The following NHSL1 variants were observed in gnomAD, a reference collection of about 807,000 sequenced individuals.
NHSL1 encodes NHS-like protein 1.
A neutral mutation model predicts 95.0 loss-of-function variants in NHSL1; 48 were observed. The ratio of observed to expected loss-of-function variants is 0.51; its 90% CI spans 0.40 to 0.64. NHSL1 has a LOEUF of 0.64. Ranked by LOEUF, NHSL1 falls within the 30% of genes least tolerant of loss-of-function variation. The pLI, the probability that NHSL1 is intolerant of heterozygous loss-of-function variation, is 0.00. For missense variants in NHSL1, 1,971 were observed against 2,077.7 expected, an observed-to-expected ratio of 0.95 and a Z score of 1.00; for synonymous variants, 783 against 833.9, an observed-to-expected ratio of 0.94 and a Z score of 1.05.
intron 1 of NHSL1, among the ~76,000 whole-genome samples, chr6:138,688,193 C>T (rs898695276): frequency 6.6e-6 from 1 of 152,068 alleles, no homozygotes; most frequent in Admixed American, 6.6e-5. Flanking sequence ...CTCAAGTGAT[C>T]GGCCCACCTT....
upstream of NHSL1, among the ~76,000 whole-genome samples, chr6:138,572,824 A>G (rs181833482): frequency 2.0e-5 from 3 of 148,104 alleles, no homozygotes; most frequent in Admixed American, 2.0e-4. Flanking sequence ...TGAAACTACA[A>G]TTTTGAGAAG....
intron 1 of NHSL1, chr6:138,650,951 T>C (rs1486445810): frequency 3.8e-6 from 2 of 532,012 alleles, no homozygotes; most frequent in East Asian, 5.3e-5. Context: ...GCTTGGCAGA[T>C]AGAGGACCTT....
At chr6:138,456,675 T>C (rs1777631842) in intron 3 of NHSL1, among the ~76,000 whole-genome samples, 3 of 152,184 alleles carry the variant, frequency 2.0e-5, no homozygotes, top group Non-Finnish European at 4.4e-5. Context: ...CTTCCGATAA[T>C]GGCAGGTGGA....
chr6:138,460,351 G>A (rs1451961373), intron 3 of NHSL1, among the ~76,000 whole-genome samples: 1 of 151,882 alleles, frequency 6.6e-6, no homozygotes, highest in Non-Finnish European at 1.5e-5. Flanking sequence ...TCTATCAAAA[G>A]ATGATATACA....
upstream of NHSL1, among the ~76,000 whole-genome samples, chr6:138,501,441 G>A (rs1461994420): frequency 6.6e-6 from 1 of 152,198 alleles, no homozygotes; most frequent in Non-Finnish European, 1.5e-5. Flanking sequence ...GGGGGTTTGA[G>A]GGTGGCCAGG....
chr6:138,617,514 T>C (rs1411667892), intron 1 of NHSL1, among the ~76,000 whole-genome samples: 1 of 152,242 alleles, frequency 6.6e-6, no homozygotes, highest in South Asian at 2.1e-4. Flanking sequence ...TCTATTAATC[T>C]ATTCCTCCCT....
upstream of NHSL1, among the ~76,000 whole-genome samples, chr6:138,500,000 C>T (rs1269402009): frequency 6.6e-6 from 1 of 152,210 alleles, no homozygotes; most frequent in Non-Finnish European, 1.5e-5. Flanking sequence ...TGTCTTCTCA[C>T]CCTTCTTTGC....
At chr6:138,621,206 G>C (rs1169431304) in intron 1 of NHSL1, among the ~76,000 whole-genome samples, 1 of 152,114 alleles carries the variant, frequency 6.6e-6, no homozygotes, top group Non-Finnish European at 1.5e-5. Context: ...TGCTACAAAT[G>C]GTATGCAAGT....
Position 138,429,852 on chromosome 6 carries a change from G to A in NHSL1, c.3953-9C>T, listed in dbSNP as rs1775512827. Reference sequence around the variant, plus strand: ...GGTCTCCGGCACCCCAGCTACAGAAGAGCAGGCAGGCATACAAGACGCACA... The same window carrying A: ...GGTCTCCGGCACCCCAGCTACAGAAAAGCAGGCAGGCATACAAGACGCACA... On this transcript the variant is annotated splice_polypyrimidine_tract_variant and intron_variant, in intron 6 of 7. Transcript: ENST00000343505. The A allele has an allele frequency of 1.9e-6, 3 of 1,549,158 alleles. No individual in the cohort carries two copies. The highest frequency in any genetic ancestry group is 2.6e-6 in the Non-Finnish European group (3 of 1,146,136).
chr6:138,669,942 C>T (rs1180620069), intron 1 of NHSL1, among the ~76,000 whole-genome samples: 2 of 151,948 alleles, frequency 1.3e-5, no homozygotes, highest in African/African-American at 4.8e-5. Flanking sequence ...CCAATATGGT[C>T]AAACCCTGTC....
intron 1 of NHSL1, among the ~76,000 whole-genome samples, chr6:138,640,002 T>C (rs538358663): frequency 7.2e-5 from 11 of 151,872 alleles, no homozygotes; most frequent in Non-Finnish European, 1.6e-4. Context: ...GCACAGACTA[T>C]AATCTCATGG....
chr6:138,599,995 C>G (rs772936640), intron 1 of NHSL1, among the ~76,000 whole-genome samples: 14 of 151,956 alleles, frequency 9.2e-5, no homozygotes, highest in Non-Finnish European at 1.8e-4. Flanking sequence ...AATACAAAAA[C>G]TAGCTGGGCA....
rs560360900 is a variant in NHSL1 at position 138,423,343 on chromosome 6, A to C, written c.*738T>G. 5.3e-5 allele frequency: 8 copies of C among 152,324 alleles called. No individual in the cohort carries two copies. The highest frequency in any genetic ancestry group is 1.9e-4 in the African/African-American group (8 of 41,564). The allele number at this position is 152,324 out of a possible 1,614,324, so 9.4% of individuals were successfully genotyped here. ...TTAAAAAATTACCCACACTTCTAAA[A>C]ATCAGGCTACAATTGTGTGTATGTG... On this transcript the variant is annotated 3_prime_UTR_variant, in exon 8 of 8. Coordinates refer to ENST00000343505, the MANE Select transcript of NHSL1 (RefSeq NM_001144060.2).
chr6:138,535,645 G>A (rs1310579864), intron 1 of NHSL1, among the ~76,000 whole-genome samples: 1 of 152,126 alleles, frequency 6.6e-6, no homozygotes, highest in Non-Finnish European at 1.5e-5. Context: ...TGGAAGGGTG[G>A]ATTTGCCACG....
At chr6:138,585,978 G>T (rs1052058026) in intron 1 of NHSL1, among the ~76,000 whole-genome samples, 1 of 152,228 alleles carries the variant, frequency 6.6e-6, no homozygotes, top group East Asian at 1.9e-4. Flanking sequence ...TTGAGCCCAG[G>T]AGTTCAAGGT....
intron 1 of NHSL1, among the ~76,000 whole-genome samples, chr6:138,517,999 C>T (rs1781524215): frequency 6.6e-6 from 1 of 152,058 alleles, no homozygotes; most frequent in Non-Finnish European, 1.5e-5. Flanking sequence ...AGTTCTGTGG[C>T]TGGTTAGGGG....
upstream of NHSL1, among the ~76,000 whole-genome samples, chr6:138,573,105 A>G (rs916618720): frequency 3.9e-5 from 6 of 152,108 alleles, no homozygotes; most frequent in Non-Finnish European, 8.8e-5. Context: ...CCTGGGGGTT[A>G]TTCCTCTCCA....
At chr6:138,467,398 C>T (rs1210201685) in intron 3 of NHSL1, among the ~76,000 whole-genome samples, 7 of 152,160 alleles carry the variant, frequency 4.6e-5, no homozygotes, top group African/African-American at 1.7e-4. Context: ...ATGATCCGCC[C>T]GCCTCGGCCT....
At chr6:138,458,006 T>C (rs1223437577) in intron 3 of NHSL1, among the ~76,000 whole-genome samples, 2 of 103,962 alleles carry the variant, frequency 1.9e-5, no homozygotes, top group Non-Finnish European at 3.8e-5. Context: ...AAACTCCAAC[T>C]GAAAAAAAAA....
Sources: gnomAD v4.1 joint callset for allele counts (sites outside exome capture counted in the v4.1 genomes callset) on GRCh38, gnomAD v4.1.1 for gene constraint, MANE v1.5 for transcripts, NCBI Gene and HGNC (gene_info 2026-07-23, HGNC 2026-07-21) for gene names.